The following RYR2 variants were observed in gnomAD, a reference collection of about 807,000 sequenced individuals.
RYR2 encodes ryanodine receptor 2.
RYR2 carries 227 observed loss-of-function variants against 601.1 expected under a neutral mutation model. The ratio of observed to expected loss-of-function variants is 0.38; its 90% CI spans 0.34 to 0.42. RYR2 has a LOEUF of 0.42. Ranked by LOEUF, RYR2 falls within the 10% of genes least tolerant of loss-of-function variation. The pLI is 1.00. For missense variants in RYR2, 4,646 were observed against 6,156.5 expected (o/e 0.75, Z 8.21); for synonymous variants, 2,223 against 2,175.1 (o/e 1.02, Z -0.61).
chr1:237,212,322 G>A (rs980179466), intron 1 of RYR2, among the ~76,000 whole-genome samples: 1 of 152,122 alleles, frequency 6.6e-6, no homozygotes, highest in South Asian at 2.1e-4. Context: ...CATTTTTAAC[G>A]GCTTCATGGT....
intron 1 of RYR2, among the ~76,000 whole-genome samples, chr1:237,240,174 G>C (rs1170575950): frequency 6.6e-6 from 1 of 152,282 alleles, no homozygotes; most frequent in East Asian, 1.9e-4. Context: ...ATGTGAGGTT[G>C]CCGTCGTCTA....
intron 61 of RYR2, among the ~76,000 whole-genome samples, chr1:237,680,253 T>G (rs1304328280): frequency 6.6e-6 from 1 of 152,172 alleles, no homozygotes; most frequent in Non-Finnish European, 1.5e-5. Context: ...GCAAGTTTGC[T>G]CTGTTCACCA....
chr1:237,604,209 T>G (rs1436356519), intron 35 of RYR2, among the ~76,000 whole-genome samples: 2 of 151,914 alleles, frequency 1.3e-5, no homozygotes, highest in Non-Finnish European at 2.9e-5. Flanking sequence ...GAACAGAAAT[T>G]ATAACAAACT....
intron 48 of RYR2, among the ~76,000 whole-genome samples, chr1:237,643,722 C>G (rs888140892): frequency 6.6e-6 from 1 of 151,804 alleles, no homozygotes; most frequent in Non-Finnish European, 1.5e-5. Flanking sequence ...AAGCAATTCT[C>G]CTGCCTCAGC....
At chr1:237,587,511 A>G (rs1460431982) in intron 29 of RYR2, among the ~76,000 whole-genome samples, 2 of 152,124 alleles carry the variant, frequency 1.3e-5, no homozygotes, top group Non-Finnish European at 1.5e-5. Flanking sequence ...CTGTTTTCCT[A>G]TTTAAAAATA....
intron 1 of RYR2, among the ~76,000 whole-genome samples, chr1:237,236,151 A>G (rs943837377): frequency 1.3e-5 from 2 of 152,198 alleles, no homozygotes; most frequent in African/African-American, 4.8e-5. Flanking sequence ...TGACAAATCA[A>G]TGGCTTTCAT....
chr1:237,330,777 A>G, intron 2 of RYR2, 101 bp from the exon 3 acceptor site: 1 of 839,982 alleles, frequency 1.2e-6, no homozygotes. Flanking sequence ...AAAGTTGACA[A>G]ATACTGTTTC....
At chr1:237,175,538 A>G (rs1677932043) in intron 1 of RYR2, among the ~76,000 whole-genome samples, 1 of 152,216 alleles carries the variant, frequency 6.6e-6, no homozygotes, top group Non-Finnish European at 1.5e-5. Flanking sequence ...ATGTGCACCA[A>G]TAACATACCT....
At chr1:237,285,410 T>C (rs1024210468) in intron 2 of RYR2, among the ~76,000 whole-genome samples, 9 of 152,190 alleles carry the variant, frequency 5.9e-5, no homozygotes, top group African/African-American at 2.2e-4. Flanking sequence ...CTTTTTGATA[T>C]GTTGTTGGAT....
chr1:237,430,736 C>T (rs1706718772), intron 12 of RYR2, among the ~76,000 whole-genome samples: 1 of 152,130 alleles, frequency 6.6e-6, no homozygotes, highest in African/African-American at 2.4e-5. Context: ...GGATGGATTC[C>T]TACAAATGGA....
intron 1 of RYR2, among the ~76,000 whole-genome samples, chr1:237,045,958 T>A (rs1660551885): frequency 6.7e-6 from 1 of 149,640 alleles, no homozygotes; most frequent in African/African-American, 2.5e-5. Context: ...GTGTACTGTG[T>A]CATGTAGTTT....
chr1:237,111,698 C>T (rs924279280), intron 1 of RYR2, among the ~76,000 whole-genome samples: 1 of 151,656 alleles, frequency 6.6e-6, no homozygotes, highest in Admixed American at 6.6e-5. Flanking sequence ...AAATCTTTGC[C>T]ATCTTTGGGA....
intron 2 of RYR2, among the ~76,000 whole-genome samples, chr1:237,326,043 A>C (rs1696139783): frequency 1.3e-5 from 2 of 152,176 alleles, no homozygotes; most frequent in Admixed American, 1.3e-4. Flanking sequence ...GTTGTTATTC[A>C]GTTAAGGTAA....
chr1:237,328,807 A>G (rs571697875), intron 2 of RYR2, among the ~76,000 whole-genome samples: 1 of 152,346 alleles, frequency 6.6e-6, no homozygotes, highest in South Asian at 2.1e-4. Flanking sequence ...GTAGAGGTTC[A>G]ATTTAATAAA....
intron 14 of RYR2, among the ~76,000 whole-genome samples, chr1:237,451,451 G>C (rs954948026): frequency 5.3e-5 from 8 of 151,908 alleles, no homozygotes; most frequent in African/African-American, 1.9e-4. Flanking sequence ...GCATGAGCCT[G>C]TAATCTCAGC....
intron 40 of RYR2, among the ~76,000 whole-genome samples, chr1:237,626,278 T>A (rs1679635971): frequency 6.6e-6 from 1 of 152,214 alleles, no homozygotes; most frequent in Admixed American, 6.5e-5. Context: ...ACCCTTGGGC[T>A]GTGAGTGCCT....
chr1:237,827,811 C>T (rs1398015920), intron 101 of RYR2, among the ~76,000 whole-genome samples: 1 of 151,326 alleles, frequency 6.6e-6, no homozygotes, highest in Non-Finnish European at 1.5e-5. Flanking sequence ...GCAGTGTGTG[C>T]CTGTAGTCCC....
intron 1 of RYR2, among the ~76,000 whole-genome samples, chr1:237,213,915 C>CTTTTTTTTTTTTTTTTT (rs71180008): frequency 4.2e-3 from 275 of 65,482 alleles, no homozygotes; most frequent in Non-Finnish European, 5.8e-3. Context: ...TTTTCTTTTT[C>CTTTTTTTTTTTTTTTTT]TTTTTTTTTT....
chr1:237,328,265 A>G (rs1696354101), intron 2 of RYR2, among the ~76,000 whole-genome samples: 2 of 152,196 alleles, frequency 1.3e-5, no homozygotes, highest in Non-Finnish European at 2.9e-5. Context: ...AAACACTTAC[A>G]TTAACAGTTT....
Sources: gnomAD v4.1 joint callset for allele counts (sites outside exome capture counted in the v4.1 genomes callset) on GRCh38, gnomAD v4.1.1 for gene constraint, MANE v1.5 for transcripts, NCBI Gene and HGNC (gene_info 2026-07-23, HGNC 2026-07-21) for gene names.